Variants in PHLPP2 observed in about 807,000 individuals in gnomAD.
PHLPP2 encodes PH domain and leucine rich repeat protein phosphatase 2, also known as PH domain leucine-rich repeat-containing protein phosphatase 2.
Under a neutral mutation model 124.9 loss-of-function variants are expected in PHLPP2, and 66 were observed. The ratio of observed to expected loss-of-function variants is 0.53; its 90% CI spans 0.43 to 0.65. PHLPP2 has a LOEUF of 0.65. PHLPP2 is among the 30% of genes least tolerant of loss of function. The pLI, the probability that PHLPP2 is intolerant of heterozygous loss-of-function variation, is 0.00. For synonymous variants in PHLPP2, 681 were observed against 624.7 expected, an observed-to-expected ratio of 1.09 and a Z score of -1.34; for missense variants, 1,685 against 1,600.4, an observed-to-expected ratio of 1.05 and a Z score of -0.90.
At chr16:71,712,396 C>T (rs890485200) in intron 2 of PHLPP2, among the ~76,000 whole-genome samples, 13 of 152,200 alleles carry the variant, frequency 8.5e-5, no homozygotes, top group African/African-American at 1.4e-4. Context: ...CTATCACATT[C>T]GGATTCTTAA....
At chr16:71,707,212 C>T (rs935554812) in intron 2 of PHLPP2, among the ~76,000 whole-genome samples, 1 of 151,982 alleles carries the variant, frequency 6.6e-6, no homozygotes, top group East Asian at 1.9e-4. Flanking sequence ...GCCTCGGCCT[C>T]CCAAAGTGCT....
chr16:71,690,775 GAA>G, intron 3 of PHLPP2, 66 bp from the exon 4 acceptor site: 1 of 1,125,482 alleles, frequency 8.9e-7, no homozygotes, highest in Non-Finnish European at 1.3e-6. Flanking sequence ...AATGGAAAAA[GAA>G]AGCATTGTGT....
In PHLPP2 at chr16:71,667,252, G is replaced by C; in HGVS notation, c.1710C>G (p.Ile570Met). 6.2e-7 allele frequency: 1 copy of C among 1,613,632 alleles called. No homozygotes were observed. The change falls in exon 12 of 19, where the codon ATC becomes ATG. Residue 570 changes from isoleucine (I) to methionine (M), a missense_variant. By Grantham distance (10) the Ile-to-Met change is conservative (BLOSUM62 1). Transcript: ENST00000568954. ...GCTGAAGATCCAGCACCTCGAGGGG[G>C]ATGTGCTCTACCAGTGTTGGAAGGT... is the stretch of plus-strand genomic sequence containing the variant. ...VQNLPTLVEHIPLEVLDLQHN... is the reference protein window; with the variant it reads ...VQNLPTLVEHMPLEVLDLQHN...
rs780384738 is a variant in PHLPP2, at chr16:71,658,759, T to C, written c.2042A>G (p.Lys681Arg). 6.2e-7 allele frequency: 1 copy of C among 1,614,166 alleles called. No individual in the cohort carries two copies. The highest frequency in any genetic ancestry group is 1.1e-5 in the South Asian group (1 of 91,072). The change falls in exon 14 of 19, where the codon AAA becomes AGA. Residue 681 changes from lysine (K) to arginine (R), a missense_variant. Physicochemically the swap from Lys to Arg is conservative, Grantham distance 26. Transcript: ENST00000568954. ...EELNLSGNKL[K>R]TIPTTIANCK... ...GTTTGCTATGGTTGTGGGAATGGTT[T>C]TAAGCTTGTTGCCACTTAGGTTCAG...
intron 15 of PHLPP2, among the ~76,000 whole-genome samples, chr16:71,657,961 T>C (rs527798174): frequency 1.2e-4 from 18 of 152,360 alleles, no homozygotes; most frequent in African/African-American, 4.3e-4. Context: ...TTAGATATTA[T>C]ATAATCTGTG....
rs775645294 is a variant in PHLPP2 at position 71,719,435 on chromosome 16, GA to G, written c.-6-4635del. On this transcript the variant is annotated intron_variant, in intron 1 of 18. Coordinates refer to ENST00000568954, the MANE Select transcript of PHLPP2 (RefSeq NM_015020.3). ...CATGCCTGTAATCCCAGCTACCCTG[GA>G]GGCTGAGGCATGAGAATCGCTTGAA... is the stretch of plus-strand genomic sequence containing the variant. Among the ~76,000 whole-genome samples the G allele has an allele frequency of 3.5e-4, 53 of 152,302 alleles. No homozygotes were observed. The Middle Eastern group carries it at 0.01, about 29-fold the overall frequency.
rs75661814 is a variant in PHLPP2 at position 71,699,676 on chromosome 16, C to G, written c.418+2922G>C. The stretch of plus-strand genomic sequence containing the variant: ...AAAGGCTGTCACACTGGCCCTTTAC[C>G]CTCACTGGTGGAAAGCAGCCGCCCT... On this transcript the variant is annotated intron_variant, in intron 3 of 18. Coordinates refer to ENST00000568954, the MANE Select transcript of PHLPP2 (RefSeq NM_015020.3). Among the ~76,000 whole-genome samples, 662 of 152,326 alleles carry G rather than the reference C, an allele frequency of 4.3e-3. 11 individuals carry two copies. Among genetic ancestry groups the G allele is most frequent in the African/African-American group, 0.015 (641 of 41,564 alleles).
chr16:71,702,765 G>C (rs779812946), intron 2 of PHLPP2, 34 bp from the exon 3 acceptor site: 2 of 1,452,294 alleles, frequency 1.4e-6, no homozygotes, highest in Non-Finnish European at 1.9e-6. Context: ...ATATATATTT[G>C]GTAAGTAATA....
At chr16:71,662,112 A>G (rs1457596955) in intron 13 of PHLPP2, among the ~76,000 whole-genome samples, 2 of 150,716 alleles carry the variant, frequency 1.3e-5, no homozygotes, top group African/African-American at 4.9e-5. Flanking sequence ...ATGAGCGGCC[A>G]CGCCCGGCCT....
At chr16:71,714,133 T>G (rs541215230) in intron 2 of PHLPP2, among the ~76,000 whole-genome samples, 1 of 151,918 alleles carries the variant, frequency 6.6e-6, no homozygotes, top group Admixed American at 6.6e-5. Context: ...AGCAGCAGGG[T>G]TTCGCCATGT....
chr16:71,723,686 G>A (rs2045413130), intron 1 of PHLPP2: 3 of 595,356 alleles, frequency 5.0e-6, no homozygotes, highest in African/African-American at 3.9e-5. Context: ...GGGCGGCAGC[G>A]GCCTCTAGCC....
At chr16:71,691,975 T>C (rs1205395031) in intron 3 of PHLPP2, among the ~76,000 whole-genome samples, 2 of 151,538 alleles carry the variant, frequency 1.3e-5, no homozygotes, top group South Asian at 2.1e-4. Context: ...AAGGGACAAC[T>C]AACTATACAC....
intron 2 of PHLPP2, among the ~76,000 whole-genome samples, chr16:71,711,678 A>C (rs1174049061): frequency 6.6e-6 from 1 of 152,220 alleles, no homozygotes; most frequent in Non-Finnish European, 1.5e-5. Flanking sequence ...ATAAGCATTG[A>C]TTATCATTTC....
chr16:71,690,046 C>G (rs1434158611), intron 4 of PHLPP2, among the ~76,000 whole-genome samples: 3 of 152,120 alleles, frequency 2.0e-5, no homozygotes, highest in African/African-American at 2.4e-5. Flanking sequence ...TTCTGTTTGA[C>G]TAACAAGTGA....
intron 6 of PHLPP2, among the ~76,000 whole-genome samples, chr16:71,681,343 T>C (rs983621684): frequency 6.6e-6 from 1 of 152,034 alleles, no homozygotes. Context: ...CGCATAAGAG[T>C]TGGCAGTGGA....
At chr16:71,696,493 C>G (rs1199934559) in intron 3 of PHLPP2, among the ~76,000 whole-genome samples, 1 of 151,900 alleles carries the variant, frequency 6.6e-6, no homozygotes, top group East Asian at 1.9e-4. Context: ...AAAAACTAGC[C>G]AGGCATGGTG....
At chr16:71,705,124 C>T (rs1039702226) in intron 2 of PHLPP2, among the ~76,000 whole-genome samples, 15 of 152,098 alleles carry the variant, frequency 9.9e-5, no homozygotes. Context: ...TTCAGAGAGA[C>T]CTGGAGAGCC....
At chr16:71,688,478 C>G (rs2145350622) in intron 4 of PHLPP2, among the ~76,000 whole-genome samples, 1 of 152,224 alleles carries the variant, frequency 6.6e-6, no homozygotes, top group South Asian at 2.1e-4. Context: ...CTTCCATTCT[C>G]TCTTAGAAAA....
intron 9 of PHLPP2, among the ~76,000 whole-genome samples, chr16:71,674,562 T>A (rs574408024): frequency 6.6e-6 from 1 of 150,560 alleles, no homozygotes; most frequent in South Asian, 2.3e-4. Flanking sequence ...TACATTTAAT[T>A]ATGCACTTTT....
Sources: gnomAD v4.1 joint callset for allele counts (sites outside exome capture counted in the v4.1 genomes callset) on GRCh38, gnomAD v4.1.1 for gene constraint, MANE v1.5 for transcripts, NCBI Gene and HGNC (gene_info 2026-07-23, HGNC 2026-07-21) for gene names.